NUMB: variants seen among roughly 807,000 people sequenced by gnomAD.
The protein encoded by NUMB is NUMB endocytic adaptor protein.
NUMB carries 29 observed loss-of-function variants against 59.7 expected under a neutral mutation model. The observed-to-expected ratio is 0.49, with a 90% CI of 0.36 to 0.66. The LOEUF is 0.66. Among genes scored for constraint, NUMB ranks in the 30% least tolerant of loss-of-function variants. The pLI, the probability that NUMB is intolerant of heterozygous loss-of-function variation, is 0.00. For missense variants in NUMB, 723 were observed against 822.0 expected, an observed-to-expected ratio of 0.88 and a Z score of 1.47; for synonymous variants, 288 against 288.2, an observed-to-expected ratio of 1.00 and a Z score of 0.01.
intron 2 of NUMB, among the ~76,000 whole-genome samples, chr14:73,407,071 G>A (rs552661553): frequency 6.6e-5 from 10 of 151,956 alleles, no homozygotes; most frequent in African/African-American, 1.4e-4. Flanking sequence ...TCCAACTCCC[G>A]GCCTCAAGTA....
chr14:73,452,857 G>A (rs1884081215), intron 1 of NUMB, among the ~76,000 whole-genome samples: 3 of 152,158 alleles, frequency 2.0e-5, no homozygotes, highest in Admixed American at 1.3e-4. Context: ...GCTTTCTTGA[G>A]GGGAAGAAAA....
At chr14:73,452,361 AAAAACAAAAC>A (rs904177853) in intron 1 of NUMB, among the ~76,000 whole-genome samples, 2 of 152,028 alleles carry the variant, frequency 1.3e-5, no homozygotes, top group Admixed American at 6.6e-5. Flanking sequence ...ACTCTGTCTC[AAAAACAAAAC>A]AAAACAAAAC....
chr14:73,447,427 G>A (rs11848606), intron 1 of NUMB, among the ~76,000 whole-genome samples: 7,837 of 152,186 alleles, frequency 0.051, 658 homozygotes, highest in African/African-American at 0.18. Flanking sequence ...GGTGGAGGTT[G>A]CCATGAGCCG....
At chr14:73,422,396 TGGCCTCCA>T (rs1897388280) in intron 1 of NUMB, among the ~76,000 whole-genome samples, 1 of 152,162 alleles carries the variant, frequency 6.6e-6, no homozygotes, top group African/African-American at 2.4e-5. Flanking sequence ...GAGCTCAATA[TGGCCTCCA>T]AATTGCCCTT....
intron 8 of NUMB, among the ~76,000 whole-genome samples, chr14:73,289,426 A>G (rs1889239140): frequency 6.6e-6 from 1 of 152,222 alleles, no homozygotes; most frequent in South Asian, 2.1e-4. Context: ...GGAATAAAAA[A>G]GCTAGAGATG....
rs1401463955 is a variant in NUMB at position 73,276,347 on chromosome 14, C to T, written c.*231G>A. ...AGGGAAGAGGGAGTACAGAAAGCAA[C>T]ATTTCCTTGACTTCTTTAGCCTAAT... On this transcript the variant is annotated 3_prime_UTR_variant, in exon 13 of 13. Transcript: ENST00000555238. The T allele has an allele frequency of 2.1e-6, 1 of 480,438 alleles. No individual in the cohort carries two copies. The highest frequency in any genetic ancestry group is 3.7e-6 in the Non-Finnish European group (1 of 270,700). 29.8% of individuals were successfully genotyped at this position (480,438 alleles called of 1,614,324 possible).
intron 5 of NUMB, among the ~76,000 whole-genome samples, chr14:73,319,135 C>T (rs1168618211): frequency 1.3e-5 from 2 of 152,018 alleles, no homozygotes; most frequent in African/African-American, 2.4e-5. Context: ...TGGTGGTGGG[C>T]GCCTGTAATC....
intron 5 of NUMB, among the ~76,000 whole-genome samples, chr14:73,320,625 A>T (rs1022455785): frequency 1.3e-5 from 2 of 152,184 alleles, no homozygotes; most frequent in Non-Finnish European, 2.9e-5. Flanking sequence ...CATTAGACAT[A>T]ATATTTGATT....
chr14:73,396,330 GTGTGTGTGT>G (rs1215994476), intron 2 of NUMB, among the ~76,000 whole-genome samples: 1 of 95,656 alleles, frequency 1.0e-5, no homozygotes, highest in Admixed American at 1.4e-4. Flanking sequence ...GGGTGTGTGT[GTGTGTGTGT>G]GTGTGTGTGT....
intron 1 of NUMB, among the ~76,000 whole-genome samples, chr14:73,456,328 T>C (rs939111941): frequency 6.6e-6 from 1 of 152,214 alleles, no homozygotes; most frequent in South Asian, 2.1e-4. Context: ...CAGGCTGATC[T>C]TGAACTCCTG....
At position 73,287,140 on chromosome 14, in the gene NUMB, T is replaced by A. The variant is rs1005991070; in HGVS notation, c.625A>T (p.Ile209Phe). Residue 209 changes from isoleucine (I) to phenylalanine (F), a missense_variant, in exon 9 of 13, where the codon ATC (isoleucine) becomes TTC (phenylalanine). By Grantham distance (21) the Ile-to-Phe change is conservative. This residue lies in a region of NUMB where 317 missense variants were observed against 436.6 expected (regional missense o/e 0.73). Transcript: ENST00000555238. ...TTGGCATCTTGCATTTGTTTCATGA[T>A]CTCCTCTCTTTCTGCTTGTTCAGTG... is the stretch of plus-strand genomic sequence containing the variant. ...TATEQAEREE[I>F]MKQMQDAKKA... The A allele has an allele frequency of 3.1e-6, 5 of 1,613,980 alleles. No individual in the cohort carries two copies. In the East Asian group the frequency reaches 1.1e-4, roughly 36 times the overall value.
At chr14:73,318,019 A>G (rs1194473659) in intron 5 of NUMB, among the ~76,000 whole-genome samples, 1 of 152,230 alleles carries the variant, frequency 6.6e-6, no homozygotes. Flanking sequence ...TATTTCCACA[A>G]AACATTTTGA....
chr14:73,386,052 TA>T (rs1895508334), intron 2 of NUMB, among the ~76,000 whole-genome samples: 2 of 152,150 alleles, frequency 1.3e-5, no homozygotes, highest in Non-Finnish European at 2.9e-5. Context: ...AGGAACCTCC[TA>T]TTTTTTTTTA....
chr14:73,394,164 A>C (rs1410724167), intron 2 of NUMB, among the ~76,000 whole-genome samples: 2 of 152,150 alleles, frequency 1.3e-5, no homozygotes, highest in African/African-American at 4.8e-5. Flanking sequence ...CATGTTGGCC[A>C]GGCTGGTCTC....
chr14:73,316,316 T>C (rs1891081745), intron 6 of NUMB, 74 bp downstream of exon 6: 1 of 1,315,854 alleles, frequency 7.6e-7, no homozygotes, highest in South Asian at 1.2e-5. Flanking sequence ...TGTACTAGTT[T>C]TAAAAAATAT....
At chr14:73,305,374 T>C (rs886141811) in intron 6 of NUMB, among the ~76,000 whole-genome samples, 6 of 152,110 alleles carry the variant, frequency 3.9e-5, no homozygotes, top group African/African-American at 1.4e-4. Context: ...TTAGACCTGT[T>C]GGAACTGTGT....
intron 6 of NUMB, among the ~76,000 whole-genome samples, chr14:73,306,243 A>G (rs983304010): frequency 6.6e-6 from 1 of 152,220 alleles, no homozygotes; most frequent in African/African-American, 2.4e-5. Context: ...GCATGTCATG[A>G]ACTACACAGT....
intron 6 of NUMB, among the ~76,000 whole-genome samples, chr14:73,307,177 C>T (rs1211854365): frequency 1.3e-5 from 2 of 151,900 alleles, no homozygotes; most frequent in Non-Finnish European, 2.9e-5. Context: ...GGTGTGGTGG[C>T]GGGCACCTGT....
chr14:73,448,045 C>A (rs1883661845), intron 1 of NUMB, among the ~76,000 whole-genome samples: 1 of 152,136 alleles, frequency 6.6e-6, no homozygotes, highest in Non-Finnish European at 1.5e-5. Context: ...GATTCGCCTG[C>A]CTCGGCCTCC....
Sources: allele counts gnomAD v4.1 joint callset (sites outside exome capture counted in the v4.1 genomes callset), GRCh38; gene constraint gnomAD v4.1.1; regional missense constraint gnomAD v4.1.1; transcripts MANE v1.5; gene names NCBI Gene and HGNC (gene_info 2026-07-23, HGNC 2026-07-21).